The following LRRC4C variants were observed in gnomAD, a reference collection of about 807,000 sequenced individuals.
The protein encoded by LRRC4C is leucine rich repeat containing 4C.
In LRRC4C, 5 loss-of-function variants were observed where a neutral mutation model predicts 33.6. The observed-to-expected ratio is 0.15, with a 90% CI of 0.08 to 0.31. The LOEUF is 0.31. Among genes scored for constraint, LRRC4C ranks in the 10% least tolerant of loss-of-function variants. The pLI, the probability that LRRC4C is intolerant of heterozygous loss-of-function variation, is 1.00. For missense variants in LRRC4C, 560 were observed against 796.7 expected, an observed-to-expected ratio of 0.70 and a Z score of 3.58; for synonymous variants, 329 against 302.0, an observed-to-expected ratio of 1.09 and a Z score of -0.93.
At chr11:41,374,335 T>C (rs1952860701) in intron 1 of LRRC4C, among the ~76,000 whole-genome samples, 1 of 152,196 alleles carries the variant, frequency 6.6e-6, no homozygotes, top group Admixed American at 6.5e-5. Context: ...GATGTGAGGA[T>C]ACATTGATTT....
intron 2 of LRRC4C, among the ~76,000 whole-genome samples, chr11:40,824,643 C>T (rs1952080352): frequency 6.6e-6 from 1 of 151,868 alleles, no homozygotes; most frequent in African/African-American, 2.4e-5. Flanking sequence ...TGCTAATAGT[C>T]TTCTTAATCG....
At chr11:40,566,361 T>C (rs76780678) in intron 3 of LRRC4C, among the ~76,000 whole-genome samples, 3 of 152,010 alleles carry the variant, frequency 2.0e-5, no homozygotes, top group African/African-American at 7.2e-5. Context: ...ACGATGAACG[T>C]TGAGTACCAT....
intron 3 of LRRC4C, among the ~76,000 whole-genome samples, chr11:40,635,797 C>G (rs946073307): frequency 5.3e-5 from 8 of 151,458 alleles, no homozygotes; most frequent in Admixed American, 1.3e-4. Context: ...CCACCATGCC[C>G]GGCTAATTTT....
intron 3 of LRRC4C, among the ~76,000 whole-genome samples, chr11:40,465,547 G>T (rs1031031553): frequency 7.8e-4 from 118 of 151,890 alleles, no homozygotes; most frequent in African/African-American, 2.7e-3. Context: ...TGCAAACTAT[G>T]CCTTTAACAA....
intron 4 of LRRC4C, among the ~76,000 whole-genome samples, chr11:40,257,191 T>C (rs1867276340): frequency 6.6e-6 from 1 of 152,174 alleles, no homozygotes; most frequent in Non-Finnish European, 1.5e-5. Context: ...GGCCCAGTAA[T>C]GTTTATTGTG....
rs114675973 is a variant in LRRC4C at position 40,511,282 on chromosome 11, A to C, written c.-270+136860T>G. 9.7e-3 allele frequency among the ~76,000 whole-genome samples: 1,483 copies of C among 152,294 alleles called. 17 individuals carry two copies. The highest frequency in any genetic ancestry group is 0.03 in the African/African-American group (1,254 of 41,574). On this transcript the variant is annotated intron_variant, in intron 3 of 6. Coordinates refer to ENST00000528697, the MANE Select transcript of LRRC4C (RefSeq NM_001258419.2). ...AATGAAAAGAGGCGTATGACACCTA[A>C]ATGACTCCGTTCAGCAACTGACCTG...
chr11:41,245,144 G>A (rs1948400598), intron 1 of LRRC4C, among the ~76,000 whole-genome samples: 2 of 152,138 alleles, frequency 1.3e-5, no homozygotes, highest in South Asian at 4.1e-4. Flanking sequence ...ACCTCTTTAA[G>A]GTGTTGAGAA....
At chr11:40,293,735 C>T (rs1477766114) in intron 4 of LRRC4C, 1 of 152,206 alleles carries the variant, frequency 6.6e-6, no homozygotes, top group Non-Finnish European at 1.5e-5. Context: ...TTTCCAGCTG[C>T]GTTGGGTACA....
chr11:41,147,016 T>C (rs150084839), intron 1 of LRRC4C, among the ~76,000 whole-genome samples: 75 of 152,362 alleles, frequency 4.9e-4, no homozygotes, highest in Non-Finnish European at 7.6e-4. Flanking sequence ...TCATGAATGA[T>C]TCCAGTTTTT....
intron 1 of LRRC4C, among the ~76,000 whole-genome samples, chr11:40,959,561 A>G (rs1959107951): frequency 6.6e-6 from 1 of 151,788 alleles, no homozygotes; most frequent in Admixed American, 6.6e-5. Context: ...GTGGTTAAGT[A>G]CACATGTAAG....
At chr11:40,184,739 G>T (rs1256468331) in intron 5 of LRRC4C, among the ~76,000 whole-genome samples, 2 of 152,224 alleles carry the variant, frequency 1.3e-5, no homozygotes, top group African/African-American at 4.8e-5. Flanking sequence ...GAAGAGAGGT[G>T]AGAATGGCAG....
intron 1 of LRRC4C, among the ~76,000 whole-genome samples, chr11:41,148,283 GGGATTACA>G: frequency 6.6e-6 from 1 of 152,190 alleles, no homozygotes; most frequent in South Asian, 2.1e-4. Flanking sequence ...CCAAAGTGCT[GGGATTACA>G]GGAGCAGGAG....
At chr11:40,425,342 G>C (rs1295323369) in intron 3 of LRRC4C, among the ~76,000 whole-genome samples, 3 of 152,132 alleles carry the variant, frequency 2.0e-5, no homozygotes, top group Non-Finnish European at 2.9e-5. Flanking sequence ...GCCAGCAGGG[G>C]GATATGCACA....
chr11:40,832,487 C>T (rs12279641), intron 2 of LRRC4C, among the ~76,000 whole-genome samples: 7,376 of 152,066 alleles, frequency 0.049, 452 homozygotes, highest in African/African-American at 0.14. Context: ...GATAGAAACA[C>T]GATACTTTAT....
intron 4 of LRRC4C, among the ~76,000 whole-genome samples, chr11:40,295,953 T>G (rs1944491229): frequency 6.6e-6 from 1 of 152,224 alleles, no homozygotes; most frequent in African/African-American, 2.4e-5. Context: ...CTGCACTAGA[T>G]AGCTTCAAAG....
intron 3 of LRRC4C, among the ~76,000 whole-genome samples, chr11:40,583,602 C>T (rs1958575201): frequency 6.6e-6 from 1 of 152,130 alleles, no homozygotes; most frequent in Non-Finnish European, 1.5e-5. Flanking sequence ...AACTCAATAT[C>T]ATCCTTTTTC....
At position 40,114,502 on chromosome 11, in the gene LRRC4C, G is replaced by C. The variant is rs751674170; in HGVS notation, c.1791C>G (p.His597Gln). The change falls in exon 7 of 7, where the codon CAC becomes CAG. Residue 597 changes from histidine to glutamine, a missense_variant. Around this residue, in one of 3 missense-constraint regions of LRRC4C, gnomAD observed 103 missense variants for 132.1 expected, o/e 0.78. Transcript: ENST00000528697. The stretch of plus-strand genomic sequence containing the variant: ...TGAAGGGAGATTTGTATGAGTTATA[G>C]TGATTTAGGTGCTCATGCTCGATAG... ...MPAIEHEHLN[H>Q]YNSYKSPFNH... 2 of 1,614,142 alleles carry C rather than the reference G, an allele frequency of 1.2e-6. No individual in the cohort carries two copies. Among genetic ancestry groups the C allele is most frequent in the Non-Finnish European group, 1.7e-6 (2 of 1,180,018 alleles).
intron 2 of LRRC4C, among the ~76,000 whole-genome samples, chr11:40,765,072 G>A (rs1378711914): frequency 6.6e-6 from 1 of 152,088 alleles, no homozygotes; most frequent in Non-Finnish European, 1.5e-5. Flanking sequence ...AGGAAAACAC[G>A]ACTTCGCCAA....
In LRRC4C at chr11:40,530,730, T is replaced by C. The variant is rs569379447; in HGVS notation, c.-270+117412A>G. On this transcript the variant is annotated intron_variant, in intron 3 of 6. Transcript: ENST00000528697. ...CAGCCATGAATGAGATAAGGCCCCGTCACAAATAATTACTATCATACAAAG... is the reference window on the plus strand; with the variant it reads ...CAGCCATGAATGAGATAAGGCCCCGCCACAAATAATTACTATCATACAAAG... Among the ~76,000 whole-genome samples the C allele has an allele frequency of 2.6e-5, 4 of 152,230 alleles. No individual in the cohort carries two copies. The South Asian group carries it at 8.3e-4, about 32-fold the overall frequency.
Sources: allele counts gnomAD v4.1 joint callset (sites outside exome capture counted in the v4.1 genomes callset), GRCh38; gene constraint gnomAD v4.1.1; regional missense constraint gnomAD v4.1.1; transcripts MANE v1.5; gene names NCBI Gene and HGNC (gene_info 2026-07-23, HGNC 2026-07-21).